Variants in HECTD4 observed in about 807,000 individuals in gnomAD.
HECTD4 encodes the protein probable E3 ubiquitin-protein ligase HECTD4.
Under a neutral mutation model 471.5 loss-of-function variants are expected in HECTD4, and 114 were observed. The observed-to-expected ratio is 0.24, with a 90% CI of 0.21 to 0.28. HECTD4 has a LOEUF of 0.28. HECTD4 is among the 10% of genes least tolerant of loss of function. HECTD4 has a pLI of 1.00. For missense variants in HECTD4, 3,866 were observed against 5,651.5 expected (o/e 0.68, Z 10.13); for synonymous variants, 2,012 against 2,256.0 (o/e 0.89, Z 3.07).
intron 44 of HECTD4, among the ~76,000 whole-genome samples, chr12:112,223,571 C>T (rs902688363): frequency 2.6e-5 from 4 of 152,192 alleles, no homozygotes; most frequent in Non-Finnish European, 4.4e-5. Context: ...AGGCACACCC[C>T]ACCATATCTG....
chr12:112,379,033 C>T (rs1422542753), intron 1 of HECTD4, among the ~76,000 whole-genome samples: 4 of 151,826 alleles, frequency 2.6e-5, no homozygotes, highest in Non-Finnish European at 5.9e-5. Flanking sequence ...CAGAGCAAGA[C>T]TCCGTCTCAA....
At chr12:112,343,763 A>AC (rs1286607481) in intron 1 of HECTD4, among the ~76,000 whole-genome samples, 1 of 151,712 alleles carries the variant, frequency 6.6e-6, no homozygotes, top group East Asian at 1.9e-4. Context: ...AGACAGAGAG[A>AC]CCCCATCTCT....
intron 37 of HECTD4, among the ~76,000 whole-genome samples, chr12:112,234,758 A>G (rs1261354954): frequency 1.3e-5 from 2 of 152,238 alleles, no homozygotes; most frequent in Non-Finnish European, 2.9e-5. Context: ...ATTCCTTCTC[A>G]AAGCCCAAGT....
intron 25 of HECTD4, chr12:112,249,811 A>C (rs2033839092): frequency 3.0e-6 from 1 of 329,808 alleles, no homozygotes; most frequent in African/African-American, 2.1e-5. Flanking sequence ...TAAACCTAGC[A>C]CTTGTCACAC....
chr12:112,367,830 A>AAAC (rs1185167852), intron 1 of HECTD4, among the ~76,000 whole-genome samples: 1 of 148,824 alleles, frequency 6.7e-6, no homozygotes, highest in East Asian at 2.0e-4. Context: ...CAAAAAAAAA[A>AAAC]AAAAAAAAAA....
intron 20 of HECTD4, among the ~76,000 whole-genome samples, chr12:112,257,792 G>A (rs567742631): frequency 1.3e-5 from 2 of 152,068 alleles, no homozygotes; most frequent in Non-Finnish European, 2.9e-5. Flanking sequence ...AAACTGTTAC[G>A]AACCTTAATG....
rs377695789 is a variant in HECTD4 at position 112,273,809 on chromosome 12, A to G, written c.1802-14T>C. 6.2e-6 allele frequency: 10 copies of G among 1,613,080 alleles called. No homozygotes were observed. The highest frequency in any genetic ancestry group is 7.6e-6 in the Non-Finnish European group (9 of 1,179,666). On this transcript the variant is annotated splice_polypyrimidine_tract_variant and intron_variant, in intron 10 of 75. Coordinates refer to ENST00000682272, the MANE Select transcript of HECTD4 (RefSeq NM_001388303.1). ...CATAACACGCTCCTGCAAAAAGAGC[A>G]TACTGTATTCAGTCACCATGCCACC...
intron 1 of HECTD4, among the ~76,000 whole-genome samples, chr12:112,335,389 G>T (rs7970217): frequency 7.5e-4 from 114 of 152,214 alleles, no homozygotes; most frequent in African/African-American, 2.6e-3. Flanking sequence ...GGAAAAGGGT[G>T]GGAAGTGGGT....
chr12:112,217,205 G>C lies in HECTD4; in HGVS notation c.7075-10C>G. On this transcript the variant is annotated splice_polypyrimidine_tract_variant and intron_variant, in intron 45 of 75. Coordinates refer to ENST00000682272, the MANE Select transcript of HECTD4 (RefSeq NM_001388303.1). ...AAGTAATCTCTTTGGGCTGCATCAG[G>C]GAGAAAAACCCATATTCAGTAGAAC... 6.7e-7 allele frequency: 1 copy of C among 1,487,952 alleles called. No homozygotes were observed. The highest frequency in any genetic ancestry group is 8.9e-7 in the Non-Finnish European group (1 of 1,117,846). The allele number at this position is 1,487,952 out of a possible 1,614,324, so 92.2% of individuals were successfully genotyped here.
At chr12:112,277,591 A>G (rs1364005647) in intron 9 of HECTD4, among the ~76,000 whole-genome samples, 1 of 152,168 alleles carries the variant, frequency 6.6e-6, no homozygotes, top group African/African-American at 2.4e-5. Flanking sequence ...ATAAATGCAC[A>G]TTTGCAAGCA....
intron 1 of HECTD4, among the ~76,000 whole-genome samples, chr12:112,326,082 C>T (rs2135710092): frequency 6.6e-6 from 1 of 152,286 alleles, no homozygotes; most frequent in South Asian, 2.1e-4. Flanking sequence ...AGCCACCGCA[C>T]CTGGCCAACA....
chr12:112,339,421 A>T (rs1268700756), intron 1 of HECTD4, among the ~76,000 whole-genome samples: 1 of 151,998 alleles, frequency 6.6e-6, no homozygotes, highest in Non-Finnish European at 1.5e-5. Flanking sequence ...CTATATGCAT[A>T]ATATGATAAA....
At chr12:112,267,118 G>A in intron 13 of HECTD4, 136 bp from the exon 14 acceptor site, 1 of 616,852 alleles carries the variant, frequency 1.6e-6, no homozygotes, top group Non-Finnish European at 2.9e-6. Context: ...TCACCCCATT[G>A]ATCGCTGGGG....
Position 112,313,080 on chromosome 12 carries a change from A to C in HECTD4, c.853T>G (p.Trp285Gly), listed in dbSNP as rs1467275341. The C allele has an allele frequency of 6.5e-7, 1 of 1,535,816 alleles. No homozygotes were observed. The highest frequency in any genetic ancestry group is 1.2e-5 in the South Asian group (1 of 84,056). Residue 285 changes from tryptophan (W) to glycine (G), a missense_variant, in exon 4 of 76, where the codon TGG becomes GGG. Trp to Gly is a radical substitution (Grantham distance 184). This residue lies in a region of HECTD4 where 440 missense variants were observed against 636.0 expected (regional missense o/e 0.69). Coordinates refer to ENST00000682272, the MANE Select transcript of HECTD4 (RefSeq NM_001388303.1). The stretch of plus-strand genomic sequence containing the variant: ...GCAGGCAACATGTCTTCATAACCCC[A>C]TGATACTATGTGTTTGCCCCCAAGC... The part of the protein sequence containing the change: ...CLLGGKHIVS[W>G]GYEDMLPAPD...
intron 48 of HECTD4, among the ~76,000 whole-genome samples, chr12:112,215,087 A>G (rs7302143): frequency 0.041 from 6,210 of 152,200 alleles, 276 homozygotes; most frequent in African/African-American, 0.11. Context: ...CAGGAGGCGG[A>G]GGTTGCAGTG....
chr12:112,186,101 T>C (rs1402369209), intron 60 of HECTD4, among the ~76,000 whole-genome samples: 1 of 151,874 alleles, frequency 6.6e-6, no homozygotes, highest in Non-Finnish European at 1.5e-5. Context: ...GCCTCCTGAG[T>C]AGCTGGGATT....
intron 7 of HECTD4, among the ~76,000 whole-genome samples, chr12:112,303,029 G>A (rs1194863832): frequency 6.7e-6 from 1 of 148,638 alleles, no homozygotes; most frequent in Non-Finnish European, 1.5e-5. Context: ...GGAATTCTGT[G>A]GACAGGGTTG....
At chr12:112,366,889 AAAAAAAAG>A (rs1187769642) in intron 1 of HECTD4, among the ~76,000 whole-genome samples, 1 of 151,206 alleles carries the variant, frequency 6.6e-6, no homozygotes, top group East Asian at 1.9e-4. Context: ...TCAAAAAAAA[AAAAAAAAG>A]AAAGAAAAAG....
At chr12:112,167,969 AC>A in intron 70 of HECTD4, 52 bp from the exon 71 acceptor site, 10 of 1,388,210 alleles carry the variant, frequency 7.2e-6, no homozygotes, top group African/African-American at 1.4e-5. Context: ...GCGGGAGGCG[AC>A]ACCGTTCCCT....
Sources: allele counts gnomAD v4.1 joint callset (sites outside exome capture counted in the v4.1 genomes callset), GRCh38; gene constraint gnomAD v4.1.1; regional missense constraint gnomAD v4.1.1; transcripts MANE v1.5; gene names NCBI Gene and HGNC (gene_info 2026-07-23, HGNC 2026-07-21).